The following CDC7 variants were observed in gnomAD, a reference collection of about 807,000 sequenced individuals.
CDC7 encodes cell division cycle 7-related protein kinase.
CDC7 carries 34 observed loss-of-function variants against 53.5 expected under a neutral mutation model. The ratio of observed to expected loss-of-function variants is 0.64; its 90% CI spans 0.48 to 0.85. CDC7 has a LOEUF of 0.85. CDC7 is among the 40% of genes least tolerant of loss of function. The pLI is 0.00. For missense variants in CDC7, 594 were observed against 679.7 expected (o/e 0.87, Z 1.40); for synonymous variants, 211 against 222.8 (o/e 0.95, Z 0.47).
At chr1:91,523,768 GC>G (rs1668113370) in intron 11 of CDC7, among the ~76,000 whole-genome samples, 1 of 152,150 alleles carries the variant, frequency 6.6e-6, no homozygotes, top group Non-Finnish European at 1.5e-5. Flanking sequence ...TGAGAAATTG[GC>G]AGAGTCAAGT....
Position 91,508,273 on chromosome 1 carries a change from T to A in CDC7, c.211T>A (p.Ser71Thr), listed in dbSNP as rs778701504. 1.3e-5 allele frequency: 20 copies of A among 1,597,344 alleles called. No homozygotes were observed. The Admixed American group carries it at 3.4e-4, about 27-fold the overall frequency. Residue 71 changes from serine to threonine, a missense_variant, in exon 4 of 12, where the codon TCT (serine) becomes ACT (threonine). Transcript: ENST00000234626. The stretch of plus-strand genomic sequence containing the variant: ...AAATTGTTTTACAGGCACTTTCAGC[T>A]CTGTTTATTTGGCCACAGCACAGTT... ...EDKIGEGTFS[S>T]VYLATAQLQV...
At chr1:91,513,518 T>G (rs1382400836) in intron 7 of CDC7, among the ~76,000 whole-genome samples, 1 of 152,198 alleles carries the variant, frequency 6.6e-6, no homozygotes, top group African/African-American at 2.4e-5. Context: ...CTTTGTCAGT[T>G]TATAACATCT....
intron 2 of CDC7, 116 bp from the exon 3 acceptor site, chr1:91,507,736 CTT>C (rs1667067322): frequency 5.8e-6 from 4 of 684,072 alleles, no homozygotes; most frequent in Non-Finnish European, 9.5e-6. Flanking sequence ...GTTATTAAAA[CTT>C]ATGTATAATT....
intron 11 of CDC7, among the ~76,000 whole-genome samples, chr1:91,520,824 G>A (rs930416660): frequency 3.3e-5 from 5 of 152,138 alleles, no homozygotes; most frequent in Admixed American, 6.6e-5. Context: ...GAAGCAGAAT[G>A]CATAGAAGGC....
chr1:91,522,361 ACTTCT>A (rs773764452), intron 11 of CDC7, among the ~76,000 whole-genome samples: 9 of 152,092 alleles, frequency 5.9e-5, no homozygotes, highest in East Asian at 1.9e-4. Context: ...GAGCACCTTT[ACTTCT>A]CTTATCTGTC....
intron 11 of CDC7, among the ~76,000 whole-genome samples, chr1:91,522,350 A>C (rs1278193825): frequency 6.6e-6 from 1 of 152,192 alleles, no homozygotes; most frequent in East Asian, 1.9e-4. Flanking sequence ...ATTAGCAGTG[A>C]GAGCACCTTT....
At chr1:91,512,442 G>C (rs369504514) in intron 6 of CDC7, among the ~76,000 whole-genome samples, 11 of 152,020 alleles carry the variant, frequency 7.2e-5, no homozygotes, top group African/African-American at 2.6e-4. Context: ...TCTTATCTCT[G>C]GACTTCATTT....
chr1:91,509,858 G>C (rs1056017567), intron 4 of CDC7, among the ~76,000 whole-genome samples: 8 of 151,970 alleles, frequency 5.3e-5, no homozygotes, highest in Non-Finnish European at 1.2e-4. Flanking sequence ...TTACCTCAGG[G>C]CCACTGCCCA....
intron 2 of CDC7, among the ~76,000 whole-genome samples, chr1:91,504,616 T>TAGTACCCA (rs1666886046): frequency 6.6e-6 from 1 of 152,194 alleles, no homozygotes; most frequent in African/African-American, 2.4e-5. Context: ...GGGTACCATC[T>TAGTACCCA]TTGTTTGCCT....
At chr1:91,515,898 G>T (rs1667533831) in intron 10 of CDC7, 22 bp downstream of exon 10, 3 of 1,564,934 alleles carry the variant, frequency 1.9e-6, no homozygotes. Context: ...TGGAAATACA[G>T]AACCTAGTTA....
chr1:91,511,547 C>A, intron 4 of CDC7, 50 bp from the exon 5 acceptor site: 1 of 1,186,230 alleles, frequency 8.4e-7, no homozygotes, highest in Admixed American at 2.1e-5. Flanking sequence ...CATAAAGTTT[C>A]AGTCCCTCTG....
chr1:91,515,216 A>C (rs1192482093), intron 9 of CDC7, among the ~76,000 whole-genome samples: 1 of 152,254 alleles, frequency 6.6e-6, no homozygotes, highest in Non-Finnish European at 1.5e-5. Context: ...ATTTGCTCTT[A>C]TATGCAAATA....
At chr1:91,507,739 AT>A (rs1667067583) in intron 2 of CDC7, 114 bp from the exon 3 acceptor site, 1 of 693,238 alleles carries the variant, frequency 1.4e-6, no homozygotes, top group Admixed American at 3.4e-5. Context: ...ATTAAAACTT[AT>A]GTATAATTAA....
chr1:91,523,894 C>CTGTGTG (rs56282166), intron 11 of CDC7, 147 bp from the exon 12 acceptor site: 1 of 435,204 alleles, frequency 2.3e-6, no homozygotes, highest in African/African-American at 2.0e-5. Flanking sequence ...CTATCTCATA[C>CTGTGTG]TGTGTGTGTG....
In CDC7 at chr1:91,524,039, AG is replaced by A. The variant is rs1358566343; in HGVS notation, c.1332del. 6.4e-7 allele frequency: 1 copy of A among 1,566,692 alleles called. No homozygotes were observed. Among genetic ancestry groups the A allele is most frequent in the Non-Finnish European group, 8.6e-7 (1 of 1,158,758 alleles). Reference sequence around the variant, plus strand: ...TTTTGTTTTTTCTTCTTTTGCTTTTAGGGAAATCAATATTATGTAGCAAAGA... The same window carrying A: ...TTTTGTTTTTTCTTCTTTTGCTTTTAGGAAATCAATATTATGTAGCAAAGA... On this transcript the variant is annotated splice_acceptor_variant, in intron 11 of 11. Coordinates refer to ENST00000234626, the MANE Select transcript of CDC7 (RefSeq NM_003503.4). LOFTEE classifies it high-confidence loss of function.
At chr1:91,509,528 G>C (rs868266701) in intron 4 of CDC7, among the ~76,000 whole-genome samples, 1 of 152,140 alleles carries the variant, frequency 6.6e-6, no homozygotes, top group African/African-American at 2.4e-5. Flanking sequence ...TAGCCATTTT[G>C]GCTCTAAAGT....
chr1:91,504,169 C>T (rs1666858363), intron 2 of CDC7, among the ~76,000 whole-genome samples: 1 of 150,982 alleles, frequency 6.6e-6, no homozygotes, highest in African/African-American at 2.4e-5. Flanking sequence ...TGCAGTGGTG[C>T]AATTACAGCT....
chr1:91,516,248 C>A (rs1191478212), intron 10 of CDC7, among the ~76,000 whole-genome samples: 1 of 152,060 alleles, frequency 6.6e-6, no homozygotes, highest in East Asian at 1.9e-4. Context: ...AGACTTAAAG[C>A]ATTTTATTTG....
intron 10 of CDC7, among the ~76,000 whole-genome samples, chr1:91,516,281 T>G (rs944551377): frequency 6.6e-6 from 1 of 152,146 alleles, no homozygotes; most frequent in African/African-American, 2.4e-5. Context: ...CTCAAAAGTT[T>G]CCTGTGATGT....
Sources: allele counts gnomAD v4.1 joint callset (sites outside exome capture counted in the v4.1 genomes callset), GRCh38; gene constraint gnomAD v4.1.1; transcripts MANE v1.5; gene names NCBI Gene and HGNC (gene_info 2026-07-23, HGNC 2026-07-21).